Variants in AMPH observed in about 807,000 individuals in gnomAD.
AMPH encodes amphiphysin, also known as amphiphysin (Stiff-Mann syndrome with breast cancer 128kD autoantigen).
Under a neutral mutation model 99.1 loss-of-function variants are expected in AMPH, and 49 were observed. The ratio of observed to expected loss-of-function variants is 0.49; its 90% confidence interval spans 0.39 to 0.63. The LOEUF (loss-of-function observed/expected upper bound fraction) is 0.63, where lower values mean the gene tolerates loss of function less well. Ranked by LOEUF, AMPH falls within the 20% of genes least tolerant of loss-of-function variation. AMPH has a pLI of 0.00. For synonymous variants in AMPH, 314 were observed against 317.3 expected, an observed-to-expected ratio of 0.99 and a Z score of 0.11; for missense variants, 759 against 863.4, an observed-to-expected ratio of 0.88 and a Z score of 1.52.
intron 1 of AMPH, among the ~76,000 whole-genome samples, chr7:38,575,051 TAA>T (rs3056279): frequency 0.29 from 29,852 of 104,600 alleles, 3,828 homozygotes; most frequent in Non-Finnish European, 0.32. Flanking sequence ...AGACTCTGTC[TAA>T]AAAAAAAAAA....
intron 1 of AMPH, among the ~76,000 whole-genome samples, chr7:38,614,776 C>T (rs536754647): frequency 6.6e-6 from 1 of 152,284 alleles, no homozygotes; most frequent in East Asian, 1.9e-4. Context: ...CCAGATCCCA[C>T]AAGACCTTAG....
At chr7:38,575,322 T>C (rs1357940374) in intron 1 of AMPH, among the ~76,000 whole-genome samples, 1 of 152,060 alleles carries the variant, frequency 6.6e-6, no homozygotes, top group Non-Finnish European at 1.5e-5. Context: ...AAAATGTTTA[T>C]GAATGTAGAA....
At chr7:38,393,881 G>A in intron 18 of AMPH, 124 bp downstream of exon 18, 3 of 824,350 alleles carry the variant, frequency 3.6e-6, no homozygotes. Flanking sequence ...GTTGTTTGGT[G>A]GAGTCACAAA....
intron 3 of AMPH, among the ~76,000 whole-genome samples, chr7:38,499,395 C>T (rs1429828702): frequency 6.6e-6 from 1 of 152,128 alleles, no homozygotes; most frequent in Non-Finnish European, 1.5e-5. Flanking sequence ...GGGGAAGCCA[C>T]CCAGAGATCA....
At chr7:38,430,855 G>A (rs1785989370) in intron 13 of AMPH, among the ~76,000 whole-genome samples, 1 of 152,198 alleles carries the variant, frequency 6.6e-6, no homozygotes, top group African/African-American at 2.4e-5. Flanking sequence ...TGCAGTATGA[G>A]CCCTGCAACT....
chr7:38,565,717 G>C (rs1160187559), intron 1 of AMPH, among the ~76,000 whole-genome samples: 1 of 151,824 alleles, frequency 6.6e-6, no homozygotes, highest in East Asian at 1.9e-4. Flanking sequence ...GGGGTGGGTG[G>C]GGAGGTCACA....
At chr7:38,488,667 A>G (rs764430758) in intron 5 of AMPH, among the ~76,000 whole-genome samples, 1 of 152,158 alleles carries the variant, frequency 6.6e-6, no homozygotes, top group Non-Finnish European at 1.5e-5. Context: ...CTTAAAATAT[A>G]ATAAAAAAAT....
At chr7:38,592,467 C>T (rs925017919) in intron 1 of AMPH, among the ~76,000 whole-genome samples, 1 of 152,136 alleles carries the variant, frequency 6.6e-6, no homozygotes, top group African/African-American at 2.4e-5. Flanking sequence ...CATGTTGGCT[C>T]AAGCCTGTAA....
chr7:38,478,514 T>C (rs999481449), intron 5 of AMPH, among the ~76,000 whole-genome samples: 1 of 152,130 alleles, frequency 6.6e-6, no homozygotes, highest in African/African-American at 2.4e-5. Context: ...AAATATTATT[T>C]CAGTACTCAC....
intron 1 of AMPH, among the ~76,000 whole-genome samples, chr7:38,626,798 A>G (rs929961763): frequency 6.6e-5 from 10 of 152,354 alleles, no homozygotes; most frequent in Middle Eastern, 6.8e-3. Context: ...CTAATTATCC[A>G]GAATCTAAAA....
intron 14 of AMPH, chr7:38,428,250 T>C (rs1199281588): frequency 2.2e-6 from 1 of 456,756 alleles, no homozygotes; most frequent in Non-Finnish European, 4.4e-6. Context: ...CAAGCTTGGC[T>C]GCCAGATTTG....
intron 1 of AMPH, among the ~76,000 whole-genome samples, chr7:38,620,556 C>A (rs1239048112): frequency 6.7e-5 from 6 of 89,496 alleles, no homozygotes; most frequent in African/African-American, 3.0e-4. Context: ...CATACACACA[C>A]ACACACACAC....
chr7:38,554,714 C>T (rs1791304194), intron 1 of AMPH, among the ~76,000 whole-genome samples: 1 of 152,186 alleles, frequency 6.6e-6, no homozygotes, highest in African/African-American at 2.4e-5. Flanking sequence ...CAATGCATTG[C>T]TGAGCTAGCA....
intron 19 of AMPH, among the ~76,000 whole-genome samples, chr7:38,390,562 CCT>C (rs1228451432): frequency 6.6e-6 from 1 of 152,188 alleles, no homozygotes; most frequent in Non-Finnish European, 1.5e-5. Flanking sequence ...CAACTCCACC[CCT>C]GAGAGTAAAC....
chr7:38,416,102 A>AATATATATATATGTATATATAT (rs1785375453), intron 17 of AMPH, among the ~76,000 whole-genome samples: 1 of 100,486 alleles, frequency 1.0e-5, no homozygotes, highest in African/African-American at 3.6e-5. Context: ...CAAACATATG[A>AATATATATATATGTATATATAT]ATATATATAT....
Position 38,475,317 on chromosome 7 carries a change from A to T in AMPH, c.590+14T>A. 6.3e-7 allele frequency: 1 copy of T among 1,578,870 alleles called. No individual in the cohort carries two copies. The highest frequency in any genetic ancestry group is 8.7e-7 in the Non-Finnish European group (1 of 1,148,828). ...TAAAAGGAACATGTGCAACCCATAG[A>T]GAAACATTTTTACCTTGACCATAAT... On this transcript the variant is annotated intron_variant, in intron 7 of 20. Transcript: ENST00000356264.
chr7:38,410,962 G>A (rs1205848841), intron 17 of AMPH, among the ~76,000 whole-genome samples: 2 of 152,188 alleles, frequency 1.3e-5, no homozygotes, highest in African/African-American at 4.8e-5. Context: ...ACCCTAAGTT[G>A]TGACCCTAAC....
At chr7:38,406,160 A>G (rs1297616833) in intron 17 of AMPH, among the ~76,000 whole-genome samples, 2 of 152,150 alleles carry the variant, frequency 1.3e-5, no homozygotes, top group East Asian at 3.8e-4. Context: ...AAAAAAATAG[A>G]AACAAATGAA....
At chr7:38,387,704 T>A (rs951862805) in intron 20 of AMPH, among the ~76,000 whole-genome samples, 3 of 149,764 alleles carry the variant, frequency 2.0e-5, no homozygotes, top group Non-Finnish European at 4.5e-5. Flanking sequence ...CAGAAAAAAA[T>A]TAAAGATAAA....
Sources: allele counts gnomAD v4.1 joint callset (sites outside exome capture counted in the v4.1 genomes callset), GRCh38; gene constraint gnomAD v4.1.1; transcripts MANE v1.5; gene names NCBI Gene and HGNC (gene_info 2026-07-23, HGNC 2026-07-21).